Variants in SNX24 observed in about 807,000 individuals in gnomAD.
SNX24 encodes the protein sorting nexin-24.
A neutral mutation model predicts 28.7 loss-of-function variants in SNX24; 22 were observed. The ratio of observed to expected loss-of-function variants is 0.77; its 90% CI spans 0.55 to 1.10. SNX24 has a LOEUF of 1.10. Among genes scored for constraint, SNX24 ranks in the 50% least tolerant of loss-of-function variants. The pLI is 0.00. For missense variants in SNX24, 221 were observed against 201.1 expected (o/e 1.10, Z -0.60); for synonymous variants, 69 against 71.5 (o/e 0.96, Z 0.18).
In SNX24 at chr5:123,023,836, A is replaced by ACACC. The variant is rs750956100; in HGVS notation, n.384-5401_384-5400insACCC. 1.3e-5 allele frequency: 21 copies of ACACC among 1,602,734 alleles called. No homozygotes were observed. The African/African-American group carries it at 1.5e-4, about 11-fold the overall frequency. Reference sequence around the variant, plus strand: ...CACACACACACACACACACACACACACCCCTGCCAAAGCATATCCTTGTTT... The same window carrying ACACC: ...CACACACACACACACACACACACACACACCCCCCTGCCAAAGCATATCCTTGTTT... On this transcript the variant is annotated intron_variant and non_coding_transcript_variant, in intron 5 of 5. Coordinates refer to the SNX24 transcript ENST00000502387.
Position 122,879,601 on chromosome 5 carries a change from G to A in SNX24, c.60+33908G>A, listed in dbSNP as rs376812223. Among the ~76,000 whole-genome samples the A allele has an allele frequency of 3.9e-5, 6 of 152,296 alleles. No individual in the cohort carries two copies. In the South Asian group the frequency reaches 1.2e-3, roughly 32 times the overall value. On this transcript the variant is annotated intron_variant, in intron 1 of 6. Transcript: ENST00000261369. ...TTACAAGCTGTGAGACATTGAGTGA[G>A]TTACTTAACCTCTCTGTGCCTCAGT...
chr5:123,016,167 C>A (rs562747726), intron 5 of SNX24, among the ~76,000 whole-genome samples: 1 of 152,018 alleles, frequency 6.6e-6, no homozygotes, highest in Non-Finnish European at 1.5e-5. Flanking sequence ...AATACTTGAA[C>A]AATTGTAATT....
chr5:122,867,612 C>T (rs1755778792), intron 1 of SNX24, among the ~76,000 whole-genome samples: 1 of 152,114 alleles, frequency 6.6e-6, no homozygotes, highest in Non-Finnish European at 1.5e-5. Context: ...TTCCTGCCAC[C>T]ATGGCTACTT....
intron 1 of SNX24, 117 bp downstream of exon 1, chr5:122,845,810 C>A: frequency 2.0e-6 from 1 of 495,094 alleles, no homozygotes; most frequent in Non-Finnish European, 3.2e-6. Flanking sequence ...TTTTCTCTCC[C>A]CTCCCCCGGC....
chr5:122,909,158 CCA>C (rs1375004171), intron 1 of SNX24, among the ~76,000 whole-genome samples: 1 of 152,004 alleles, frequency 6.6e-6, no homozygotes, highest in African/African-American at 2.4e-5. Context: ...TCAGAGTACC[CCA>C]GTTAGACTCT....
At chr5:122,999,869 C>A in intron 3 of SNX24, 43 bp from the exon 4 acceptor site, 1 of 1,169,526 alleles carries the variant, frequency 8.6e-7, no homozygotes, top group Non-Finnish European at 1.3e-6. Context: ...GATCACCTAG[C>A]AAACTTCACT....
At chr5:122,966,741 C>G (rs1581808384) in intron 3 of SNX24, among the ~76,000 whole-genome samples, 1 of 152,162 alleles carries the variant, frequency 6.6e-6, no homozygotes, top group East Asian at 1.9e-4. Flanking sequence ...CCTTTCCTTA[C>G]TAGAGAGAAA....
At chr5:122,964,813 G>A (rs1266025032) in intron 3 of SNX24, among the ~76,000 whole-genome samples, 1 of 152,084 alleles carries the variant, frequency 6.6e-6, no homozygotes, top group African/African-American at 2.4e-5. Context: ...GAATACTTTA[G>A]CATGTATTCC....
At chr5:122,890,815 A>G (rs1044164211) in intron 1 of SNX24, among the ~76,000 whole-genome samples, 5 of 152,140 alleles carry the variant, frequency 3.3e-5, no homozygotes, top group Non-Finnish European at 7.4e-5. Flanking sequence ...TATCTTGACA[A>G]TGAAGTACCC....
chr5:122,949,817 G>A (rs896247582), intron 3 of SNX24, among the ~76,000 whole-genome samples: 8 of 152,116 alleles, frequency 5.3e-5, no homozygotes, highest in Non-Finnish European at 8.8e-5. Flanking sequence ...AAACAAAAAC[G>A]AAAAACCCTA....
At chr5:122,887,031 C>T (rs1172796980) in intron 1 of SNX24, among the ~76,000 whole-genome samples, 1 of 152,022 alleles carries the variant, frequency 6.6e-6, no homozygotes, top group African/African-American at 2.4e-5. Flanking sequence ...TTTCCTGCAT[C>T]CCATTGTTTC....
intron 1 of SNX24, chr5:122,853,824 T>C: frequency 4.7e-6 from 1 of 214,264 alleles, no homozygotes; most frequent in Non-Finnish European, 1.0e-5. Context: ...GTTATTTTGT[T>C]CTTCAGCCTG....
At chr5:122,912,503 C>T (rs1197328357) in intron 1 of SNX24, among the ~76,000 whole-genome samples, 1 of 152,040 alleles carries the variant, frequency 6.6e-6, no homozygotes, top group Non-Finnish European at 1.5e-5. Flanking sequence ...ACTTCCAACA[C>T]TATGTTGAAT....
chr5:122,930,695 C>G (rs1362129837), intron 1 of SNX24, among the ~76,000 whole-genome samples: 2 of 152,074 alleles, frequency 1.3e-5, no homozygotes, highest in African/African-American at 4.8e-5. Flanking sequence ...AGGGATTCTT[C>G]TCATTGTAGA....
intron 3 of SNX24, among the ~76,000 whole-genome samples, chr5:122,983,627 AG>A (rs1485465280): frequency 6.6e-6 from 1 of 152,206 alleles, no homozygotes; most frequent in Non-Finnish European, 1.5e-5. Flanking sequence ...TTGTTGAAAC[AG>A]GGTCTCATCT....
At chr5:122,909,973 A>G (rs1233879180) in intron 1 of SNX24, among the ~76,000 whole-genome samples, 1 of 152,220 alleles carries the variant, frequency 6.6e-6, no homozygotes, top group East Asian at 1.9e-4. Flanking sequence ...GAGGAATGCA[A>G]CTTTGAAGCC....
At position 123,007,935 on chromosome 5, in the gene SNX24, G is replaced by A; in HGVS notation, c.*186G>A. On this transcript the variant is annotated 3_prime_UTR_variant, in exon 7 of 7. Transcript: ENST00000261369. ...AATGGTGCTCTTAAAAATAGAAACT[G>A]AACCGGGGCGGTGGTCAGGCTAAGG... is the stretch of plus-strand genomic sequence containing the variant. 7.2e-7 allele frequency: 1 copy of A among 1,382,808 alleles called. No homozygotes were observed. Among genetic ancestry groups the A allele is most frequent in the East Asian group, 2.9e-5 (1 of 34,198 alleles). 85.7% of individuals were successfully genotyped at this position (1,382,808 alleles called of 1,614,324 possible).
chr5:122,969,457 A>C (rs1760859713), intron 3 of SNX24, among the ~76,000 whole-genome samples: 1 of 152,068 alleles, frequency 6.6e-6, no homozygotes, highest in African/African-American at 2.4e-5. Flanking sequence ...AAAAAACTTT[A>C]CTTTTTCCAC....
chr5:122,946,739 C>T (rs1017616219), intron 3 of SNX24, among the ~76,000 whole-genome samples: 6 of 152,264 alleles, frequency 3.9e-5, no homozygotes, highest in Non-Finnish European at 7.4e-5. Flanking sequence ...GGACAAAGAC[C>T]GTCTCTTTAC....
Sources: allele counts gnomAD v4.1 joint callset (sites outside exome capture counted in the v4.1 genomes callset), GRCh38; gene constraint gnomAD v4.1.1; transcripts MANE v1.5; gene names NCBI Gene and HGNC (gene_info 2026-07-23, HGNC 2026-07-21).